ZBP1: variants seen among roughly 807,000 people sequenced by gnomAD.
The protein encoded by ZBP1 is Z-DNA binding protein 1, also known as Z-DNA-binding protein 1.
A neutral mutation model predicts 41.1 loss-of-function variants in ZBP1; 42 were observed. That is an observed-to-expected ratio of 1.02 (90% CI 0.80 to 1.32). The LOEUF (loss-of-function observed/expected upper bound fraction) is 1.32, where lower values mean the gene tolerates loss of function less well. Ranked by LOEUF, ZBP1 falls within the 40% of genes most tolerant of loss-of-function variation. ZBP1 has a pLI of 0.00. For synonymous variants in ZBP1, 214 were observed against 205.2 expected, an observed-to-expected ratio of 1.04 and a Z score of -0.37; for missense variants, 562 against 549.7, an observed-to-expected ratio of 1.02 and a Z score of -0.22.
rs1335980460 is a variant in ZBP1, at chr20:57,611,878, A to C, written c.723T>G (p.Thr241=). Reference sequence around the variant, plus strand: ...CCCAGGGATCAACTAGGGTCCCCCAAGTTGAGGAATCACCTGGTGCCATTG... The same window carrying C: ...CCCAGGGATCAACTAGGGTCCCCCACGTTGAGGAATCACCTGGTGCCATTG... ...LPSMAPGDSS[T]WGTLVDPWGP... The change falls in exon 6 of 8, where the codon ACT becomes ACG. Residue 241 remains threonine (T), a synonymous_variant. Transcript: ENST00000371173. 2 of 1,578,354 alleles carry C rather than the reference A, an allele frequency of 1.3e-6. No individual in the cohort carries two copies. The highest frequency in any genetic ancestry group is 1.7e-6 in the Non-Finnish European group (2 of 1,161,604).
At position 57,616,226 on chromosome 20, in the gene ZBP1, C is replaced by T. The variant is rs1040748023; in HGVS notation, c.259+18G>A. The T allele has an allele frequency of 1.9e-6, 3 of 1,613,318 alleles. No individual in the cohort carries two copies. Among genetic ancestry groups the T allele is most frequent in the Admixed American group, 1.7e-5 (1 of 60,002 alleles). On this transcript the variant is annotated intron_variant, in intron 2 of 7. Transcript: ENST00000371173. ...GCTCCCTGCAGGGTCAGACCCGCCT[C>T]CCCGGGGTGGCAGTTACCAGGGCTG...
chr20:57,612,174 T>TGAGCAG (rs2070692773), intron 5 of ZBP1, among the ~76,000 whole-genome samples: 1 of 152,044 alleles, frequency 6.6e-6, no homozygotes, highest in Non-Finnish European at 1.5e-5. Flanking sequence ...ACCCAAACAA[T>TGAGCAG]GAGCTCCTTG....
chr20:57,613,023 G>C lies in ZBP1; in HGVS notation c.670+140C>G. ...CATTCTCAGGACGGCCGTAAAGGTG[G>C]ACTGTGGGGGTCTGGAAGCAACCCT... is the stretch of plus-strand genomic sequence containing the variant. On this transcript the variant is annotated intron_variant, in intron 5 of 7. Transcript: ENST00000371173. The surrounding 1 kb of genome is among the most constrained non-coding windows in gnomAD (Gnocchi z 4.5). 2.7e-6 allele frequency: 4 copies of C among 1,505,384 alleles called. No individual in the cohort carries two copies. Among genetic ancestry groups the C allele is most frequent in the Non-Finnish European group, 3.5e-6 (4 of 1,127,550 alleles). 93.3% of individuals were successfully genotyped at this position (1,505,384 alleles called of 1,614,324 possible).
rs536176928 is a variant in ZBP1 at position 57,610,060 on chromosome 20, C to T, written c.1093+89G>A. ...CAGACTCCGGGAAACCAGAGATTAG[C>T]GAATGATCGATGAGAGTGAATGAAT... is the stretch of plus-strand genomic sequence containing the variant. On this transcript the variant is annotated intron_variant, in intron 7 of 7. Coordinates refer to ENST00000371173, the MANE Select transcript of ZBP1 (RefSeq NM_030776.3). This position sits in a 1 kb window ranked among gnomAD's most constrained non-coding sequence, Gnocchi z 5.5. 6.8e-5 allele frequency: 95 copies of T among 1,397,562 alleles called. No homozygotes were observed. The Middle Eastern group carries it at 2.6e-3, about 38-fold the overall frequency. The allele number at this position is 1,397,562 out of a possible 1,614,324, so 86.6% of individuals were successfully genotyped here. A position where few individuals can be genotyped will look rare whatever the true frequency, so the allele number is the denominator to read the frequency against.
chr20:57,606,946 T>G, intron 7 of ZBP1: 1 of 1,172,958 alleles, frequency 8.5e-7, no homozygotes, highest in Non-Finnish European at 1.1e-6. Context: ...ATGCACCTGT[T>G]CATCCACGGG....
At chr20:57,618,507 A>T (rs1600748214) in intron 1 of ZBP1, among the ~76,000 whole-genome samples, 1 of 146,814 alleles carries the variant, frequency 6.8e-6, no homozygotes, top group Admixed American at 6.8e-5. Flanking sequence ...CGCCCACCAA[A>T]CTCCCCCACC....
In ZBP1 at chr20:57,607,128, G is replaced by A. The variant is rs544539013; in HGVS notation, c.1094-2359C>T. On this transcript the variant is annotated intron_variant, in intron 7 of 7. Coordinates refer to ENST00000371173, the MANE Select transcript of ZBP1 (RefSeq NM_030776.3). ...CAGAGTGATTCCTCAGATGGATCTG[G>A]GCAAAGTAAGTTGAAAATCTTCTGG... 7 of 1,304,144 alleles carry A rather than the reference G, an allele frequency of 5.4e-6. No homozygotes were observed. In the African/African-American group the frequency reaches 1.1e-4, roughly 20 times the overall value. The allele number at this position is 1,304,144 out of a possible 1,614,324, so 80.8% of individuals were successfully genotyped here.
intron 2 of ZBP1, chr20:57,615,955 G>A: frequency 1.8e-6 from 1 of 554,572 alleles, no homozygotes; most frequent in Non-Finnish European, 3.2e-6. Flanking sequence ...TGGCGTCATT[G>A]CTGTCTCCAT....
In ZBP1 at chr20:57,604,472, C is replaced by G; in HGVS notation, c.*101G>C. 1.4e-6 allele frequency: 2 copies of G among 1,421,552 alleles called. No individual in the cohort carries two copies. The highest frequency in any genetic ancestry group is 2.0e-6 in the Non-Finnish European group (2 of 1,009,288). The allele number at this position is 1,421,552 out of a possible 1,614,324, so 88.1% of individuals were successfully genotyped here. A position where few individuals can be genotyped will look rare whatever the true frequency, so the allele number is the denominator to read the frequency against. On this transcript the variant is annotated 3_prime_UTR_variant, in exon 8 of 8. Transcript: ENST00000371173. Reference sequence around the variant, plus strand: ...CATGCAGGTTATGTCTGGAAGCAAGCAGGTCAAACAAGACGCTAAGGAATG... The same window carrying G: ...CATGCAGGTTATGTCTGGAAGCAAGGAGGTCAAACAAGACGCTAAGGAATG...
At chr20:57,608,954 C>T (rs977702134) in intron 7 of ZBP1, among the ~76,000 whole-genome samples, 25 of 152,280 alleles carry the variant, frequency 1.6e-4, no homozygotes, top group Middle Eastern at 3.4e-3. Flanking sequence ...AGGGTAGGAG[C>T]GGAAATCCGC....
Position 57,604,352 on chromosome 20 carries a change from G to T in ZBP1, c.*221C>A, listed in dbSNP as rs748047791. The T allele has an allele frequency of 2.9e-6, 2 of 680,488 alleles. No homozygotes were observed. The highest frequency in any genetic ancestry group is 2.0e-5 in the Admixed American group (1 of 48,852). 42.2% of individuals were successfully genotyped at this position (680,488 alleles called of 1,614,324 possible). A position where few individuals can be genotyped will look rare whatever the true frequency, so the allele number is the denominator to read the frequency against. On this transcript the variant is annotated 3_prime_UTR_variant, in exon 8 of 8. Coordinates refer to ENST00000371173, the MANE Select transcript of ZBP1 (RefSeq NM_030776.3). ...CCCACCTCCTCTTGGCACACCAAAG[G>T]TTCCCCAAGGCAACTCCCTGTCATC...
At chr20:57,614,311 G>T (rs905794333) in intron 4 of ZBP1, among the ~76,000 whole-genome samples, 1 of 152,144 alleles carries the variant, frequency 6.6e-6, no homozygotes, top group Admixed American at 6.5e-5. Context: ...GATTACAGGC[G>T]TGAGCAACCG....
intron 2 of ZBP1, 121 bp from the exon 3 acceptor site, chr20:57,615,701 T>A: frequency 1.3e-6 from 1 of 787,256 alleles, no homozygotes; most frequent in Non-Finnish European, 2.0e-6. Flanking sequence ...AAACTCAGAC[T>A]CCAGAGTTCA....
chr20:57,610,090 G>T lies in ZBP1; in HGVS notation c.1093+59C>A. The stretch of plus-strand genomic sequence containing the variant: ...GATCGATGAGAGTGAATGAATGAAT[G>T]AGTGGAAGGTGGGGAGAGAGAGAGA... On this transcript the variant is annotated intron_variant, in intron 7 of 7. Transcript: ENST00000371173. This position sits in a 1 kb window ranked among gnomAD's most constrained non-coding sequence, Gnocchi z 5.5. 2 of 1,509,814 alleles carry T rather than the reference G, an allele frequency of 1.3e-6. No homozygotes were observed. The highest frequency in any genetic ancestry group is 1.8e-6 in the Non-Finnish European group (2 of 1,090,978). The allele number at this position is 1,509,814 out of a possible 1,614,324, so 93.5% of individuals were successfully genotyped here. A position where few individuals can be genotyped will look rare whatever the true frequency, so the allele number is the denominator to read the frequency against.
rs1480617760 is a variant in ZBP1, at chr20:57,615,571, G to A, written c.269C>T (p.Pro90Leu). ...TGGAATTGTAGCTGCATGTTGCTGGGGCCTCTCGGCTGCAGAAAGAAAGAT... is the reference window on the plus strand; with the variant it reads ...TGGAATTGTAGCTGCATGTTGCTGGAGCCTCTCGGCTGCAGAAAGAAAGAT... ...ELALSSPAER[P>L]QQHAATIPET... Residue 90 changes from proline (P) to leucine (L), a missense_variant, in exon 3 of 8, where the codon CCC (proline) becomes CTC (leucine). By Grantham distance (98) the Pro-to-Leu change is moderately conservative (BLOSUM62 -3). Coordinates refer to ENST00000371173, the MANE Select transcript of ZBP1 (RefSeq NM_030776.3). 6.2e-7 allele frequency: 1 copy of A among 1,613,016 alleles called. No individual in the cohort carries two copies. Among genetic ancestry groups the A allele is most frequent in the Non-Finnish European group, 8.5e-7 (1 of 1,179,590 alleles).
chr20:57,609,320 A>G lies in ZBP1; in HGVS notation c.1093+829T>C, dbSNP rs1407757204. 3.3e-5 allele frequency among the ~76,000 whole-genome samples: 5 copies of G among 152,230 alleles called. No individual in the cohort carries two copies. The East Asian group carries it at 9.7e-4, about 29-fold the overall frequency. ...AGCCTGTGCAGCTTCCAGGGACCAAACGGTGGCTGGGACGGTGAACCGCAC... is the reference window on the plus strand; with the variant it reads ...AGCCTGTGCAGCTTCCAGGGACCAAGCGGTGGCTGGGACGGTGAACCGCAC... On this transcript the variant is annotated intron_variant, in intron 7 of 7. Coordinates refer to ENST00000371173, the MANE Select transcript of ZBP1 (RefSeq NM_030776.3).
rs2070965284 is a variant in ZBP1, at chr20:57,620,106, G to T, written c.34+156C>A. ...CCTACCTCGCCTCCCAAAGTGCTGG[G>T]ATTACAGGCGTGAGCCACCACGCCC... is the stretch of plus-strand genomic sequence containing the variant. On this transcript the variant is annotated intron_variant, in intron 1 of 7. Coordinates refer to ENST00000371173, the MANE Select transcript of ZBP1 (RefSeq NM_030776.3). 19 of 866,402 alleles carry T rather than the reference G, an allele frequency of 2.2e-5. No individual in the cohort carries two copies. In the South Asian group the frequency reaches 2.5e-4, roughly 12 times the overall value. The allele number at this position is 866,402 out of a possible 1,614,324, so 53.7% of individuals were successfully genotyped here. A position where few individuals can be genotyped will look rare whatever the true frequency, so the allele number is the denominator to read the frequency against.
chr20:57,610,536 C>A lies in ZBP1; in HGVS notation c.875-169G>T. 1.5e-6 allele frequency: 1 copy of A among 665,552 alleles called. No individual in the cohort carries two copies. Among genetic ancestry groups the A allele is most frequent in the Non-Finnish European group, 2.6e-6 (1 of 385,950 alleles). The allele number at this position is 665,552 out of a possible 1,614,324, so 41.2% of individuals were successfully genotyped here. On this transcript the variant is annotated intron_variant, in intron 6 of 7. Transcript: ENST00000371173. This position sits in a 1 kb window ranked among gnomAD's most constrained non-coding sequence, Gnocchi z 5.5. Reference sequence around the variant, plus strand: ...GCCACACCTCCACCCGCCACACCTCCGCTCGTGCTGTTGTGCTGTCTGGGA... The same window carrying A: ...GCCACACCTCCACCCGCCACACCTCAGCTCGTGCTGTTGTGCTGTCTGGGA...
In ZBP1 at chr20:57,610,428, T is replaced by C; in HGVS notation, c.875-61A>G. 6.3e-7 allele frequency: 1 copy of C among 1,576,068 alleles called. No individual in the cohort carries two copies. The highest frequency in any genetic ancestry group is 1.9e-4 in the Middle Eastern group (1 of 5,334). On this transcript the variant is annotated intron_variant, in intron 6 of 7. Coordinates refer to ENST00000371173, the MANE Select transcript of ZBP1 (RefSeq NM_030776.3). The surrounding 1 kb of genome is among the most constrained non-coding windows in gnomAD (Gnocchi z 5.5). ...GCAGCTGGACAGTGGCCGGGAACCCTGACCCCCAGCCTGGTTCACCCTCCT... is the reference window on the plus strand; with the variant it reads ...GCAGCTGGACAGTGGCCGGGAACCCCGACCCCCAGCCTGGTTCACCCTCCT...
Sources: gnomAD v4.1 joint callset for allele counts (sites outside exome capture counted in the v4.1 genomes callset) on GRCh38, gnomAD v4.1.1 for gene constraint, Gnocchi (gnomAD v3.1) non-coding constraint, MANE v1.5 for transcripts, NCBI Gene and HGNC (gene_info 2026-07-23, HGNC 2026-07-21) for gene names.